The following SANBR variants were observed in gnomAD, a reference collection of about 807,000 sequenced individuals.
SANBR encodes the protein SANT and BTB domain regulator of class switch recombination.
SANBR carries 77 observed loss-of-function variants against 101.8 expected under a neutral mutation model. The observed-to-expected ratio is 0.76, with a 90% confidence interval of 0.63 to 0.91. The LOEUF (loss-of-function observed/expected upper bound fraction) is 0.91. SANBR is among the 40% of genes least tolerant of loss of function. SANBR has a pLI of 0.00. For missense variants in SANBR, 875 were observed against 853.0 expected, an observed-to-expected ratio of 1.03 and a Z score of -0.32; for synonymous variants, 279 against 274.7, an observed-to-expected ratio of 1.02 and a Z score of -0.15.
At chr2:61,099,517 G>A (rs1381010372) in intron 12 of SANBR, among the ~76,000 whole-genome samples, 3 of 152,222 alleles carry the variant, frequency 2.0e-5, no homozygotes, top group Non-Finnish European at 4.4e-5. Context: ...ATCAGGTTTC[G>A]AGGGAGACTC....
rs945948315 is a variant in SANBR, at chr2:61,077,101, A to C, written c.613A>C (p.Ile205Leu). Residue 205 changes from isoleucine (I) to leucine (L), a missense_variant, in exon 6 of 22, where the codon ATA becomes CTA. Transcript: ENST00000402291. The stretch of plus-strand genomic sequence containing the variant: ...CGACGTTCACATTTTCAACTGGTTG[A>C]TAAAATACATTAAAAGGAACACTAA... ...HCDVHIFNWL[I>L]KYIKRNTKEN... The C allele has an allele frequency of 1.2e-6, 2 of 1,614,112 alleles. No individual in the cohort carries two copies. Among genetic ancestry groups the C allele is most frequent in the Non-Finnish European group, 1.7e-6 (2 of 1,179,954 alleles).
chr2:61,130,828 A>G (rs1325786281), intron 20 of SANBR, among the ~76,000 whole-genome samples: 1 of 147,188 alleles, frequency 6.8e-6, no homozygotes, highest in Non-Finnish European at 1.5e-5. Context: ...TTGTAATCCC[A>G]GCTACTCAGG....
intron 17 of SANBR, among the ~76,000 whole-genome samples, chr2:61,116,647 T>C (rs1342256363): frequency 1.3e-5 from 2 of 152,134 alleles, no homozygotes; most frequent in Non-Finnish European, 2.9e-5. Context: ...ATTTCAAAAA[T>C]GTGTGATAGG....
At chr2:61,095,717 C>G (rs775165885) in intron 11 of SANBR, among the ~76,000 whole-genome samples, 3 of 152,246 alleles carry the variant, frequency 2.0e-5, no homozygotes, top group African/African-American at 2.4e-5. Context: ...GAGGAACTCT[C>G]TCAACAAGGG....
rs192039634 is a variant in SANBR at position 61,078,623 on chromosome 2, T to C, written c.670+1465T>C. ...TTTTAGTAGAGACAGGGTTTTGCCT[T>C]GTTTGTCAGGCTGGTCTCGAACTCC... On this transcript the variant is annotated intron_variant, in intron 6 of 21. Transcript: ENST00000402291. Among the ~76,000 whole-genome samples the C allele has an allele frequency of 2.0e-4, 31 of 152,072 alleles. No homozygotes were observed. In the East Asian group the frequency reaches 6.0e-3, roughly 30 times the overall value.
chr2:61,133,430 T>C (rs1157228834), intron 20 of SANBR, among the ~76,000 whole-genome samples: 1 of 151,934 alleles, frequency 6.6e-6, no homozygotes, highest in African/African-American at 2.4e-5. Context: ...TACACTTTTG[T>C]TAATTTTCTT....
At chr2:61,099,131 A>G (rs1683171840) in intron 12 of SANBR, among the ~76,000 whole-genome samples, 1 of 152,236 alleles carries the variant, frequency 6.6e-6, no homozygotes, top group African/African-American at 2.4e-5. Flanking sequence ...GTTGTAGAAA[A>G]CATGCATAGT....
At chr2:61,073,176 A>G (rs929809363) in intron 4 of SANBR, among the ~76,000 whole-genome samples, 9 of 152,198 alleles carry the variant, frequency 5.9e-5, no homozygotes, top group Non-Finnish European at 1.2e-4. Flanking sequence ...AGAGAAAACT[A>G]TGCTGTTGGC....
At chr2:61,099,783 TG>T (rs903504984) in intron 12 of SANBR, among the ~76,000 whole-genome samples, 5 of 152,108 alleles carry the variant, frequency 3.3e-5, no homozygotes, top group African/African-American at 1.2e-4. Context: ...GCCAGAATAA[TG>T]GGAGGAAAAT....
At chr2:61,137,284 A>AAATAAT (rs143341543) in intron 21 of SANBR, among the ~76,000 whole-genome samples, 25 of 151,364 alleles carry the variant, frequency 1.7e-4, no homozygotes, top group South Asian at 1.0e-3. Context: ...GACCCTGTCT[A>AAATAAT]AATAATAATA....
At chr2:61,080,546 C>A (rs1573600275) in intron 6 of SANBR, among the ~76,000 whole-genome samples, 1 of 152,190 alleles carries the variant, frequency 6.6e-6, no homozygotes, top group East Asian at 1.9e-4. Context: ...CATGGTGAAA[C>A]CCTGTCTCTA....
chr2:61,086,779 T>C (rs1235834447), intron 8 of SANBR, among the ~76,000 whole-genome samples: 1 of 152,072 alleles, frequency 6.6e-6, no homozygotes, highest in East Asian at 1.9e-4. Flanking sequence ...CTAGATTATG[T>C]TTATATGCTG....
intron 21 of SANBR, among the ~76,000 whole-genome samples, chr2:61,136,844 G>A (rs1199100598): frequency 6.6e-6 from 1 of 151,590 alleles, no homozygotes; most frequent in Admixed American, 6.6e-5. Context: ...GATGGCAGGT[G>A]CCTGTAATCC....
chr2:61,076,999 T>C lies in SANBR; in HGVS notation c.511T>C (p.Ser171Pro). ...TACTTGCCCGCGAGATCTTTTGATATCAGAAATGAAGTACTTTGCTGAATA... is the reference window on the plus strand; with the variant it reads ...TACTTGCCCGCGAGATCTTTTGATACCAGAAATGAAGTACTTTGCTGAATA... ...DFTCPRDLLISEMKYFAEYLS... is the reference protein window; with the variant it reads ...DFTCPRDLLIPEMKYFAEYLS... Residue 171 changes from serine (S) to proline (P), a missense_variant, in exon 6 of 22, where the codon TCA (serine) becomes CCA (proline). Physicochemically the swap from Ser to Pro is moderately conservative, Grantham distance 74. Transcript: ENST00000402291. 1.9e-6 allele frequency: 3 copies of C among 1,614,194 alleles called. No individual in the cohort carries two copies. The highest frequency in any genetic ancestry group is 1.1e-5 in the South Asian group (1 of 91,086).
intron 4 of SANBR, among the ~76,000 whole-genome samples, chr2:61,073,177 T>C (rs1046905927): frequency 6.6e-6 from 1 of 152,222 alleles, no homozygotes; most frequent in African/African-American, 2.4e-5. Context: ...GAGAAAACTA[T>C]GCTGTTGGCA....
chr2:61,097,634 A>G (rs1683091160), intron 11 of SANBR, 66 bp from the exon 12 acceptor site: 1 of 1,233,820 alleles, frequency 8.1e-7, no homozygotes, highest in East Asian at 2.4e-5. Context: ...ATTTGGTCTT[A>G]AGTATTTTTG....
intron 10 of SANBR, among the ~76,000 whole-genome samples, chr2:61,091,653 C>T (rs1423229168): frequency 3.3e-5 from 5 of 150,638 alleles, no homozygotes; most frequent in Non-Finnish European, 7.4e-5. Flanking sequence ...CCCAGGTACT[C>T]AGGAGGCTGA....
intron 11 of SANBR, among the ~76,000 whole-genome samples, chr2:61,095,556 A>G (rs547170426): frequency 5.3e-5 from 8 of 152,344 alleles, no homozygotes; most frequent in Admixed American, 2.0e-4. Flanking sequence ...ATAAATAGAA[A>G]AAAAAGATCA....
chr2:61,124,284 G>C (rs956240737), downstream of SANBR: 12 of 958,996 alleles, frequency 1.3e-5, no homozygotes, highest in Admixed American at 3.7e-4. Flanking sequence ...GACAAAAGTT[G>C]TTTGGAAAGT....
Sources: allele counts gnomAD v4.1 joint callset (sites outside exome capture counted in the v4.1 genomes callset), GRCh38; gene constraint gnomAD v4.1.1; transcripts MANE v1.5; gene names NCBI Gene and HGNC (gene_info 2026-07-23, HGNC 2026-07-21).